Variants in HSF5 observed in about 807,000 individuals in gnomAD.
The protein encoded by HSF5 is heat shock factor protein 5.
A neutral mutation model predicts 50.8 loss-of-function variants in HSF5; 5 were observed. The observed-to-expected ratio is 0.10, with a 90% CI of 0.05 to 0.21. The LOEUF (loss-of-function observed/expected upper bound fraction) is 0.21. Ranked by LOEUF, HSF5 falls within the 10% of genes least tolerant of loss-of-function variation. The pLI is 1.00. For synonymous variants in HSF5, 307 were observed against 307.4 expected (o/e 1.00, Z 0.02); for missense variants, 564 against 762.6 (o/e 0.74, Z 3.07).
At chr17:58,425,574 T>C (rs1293428956) in intron 5 of HSF5, among the ~76,000 whole-genome samples, 1 of 22,546 alleles carries the variant, frequency 4.4e-5, no homozygotes. Flanking sequence ...GACCTCTATC[T>C]CAAAAAAAAA....
At chr17:58,478,381 G>A (rs1465231053) in intron 2 of HSF5, among the ~76,000 whole-genome samples, 1 of 148,874 alleles carries the variant, frequency 6.7e-6, no homozygotes, top group Non-Finnish European at 1.5e-5. Flanking sequence ...GGAGGCTGAG[G>A]CAGGAGAATC....
At chr17:58,452,783 A>G (rs912072815) in intron 5 of HSF5, among the ~76,000 whole-genome samples, 3 of 152,262 alleles carry the variant, frequency 2.0e-5, no homozygotes, top group Non-Finnish European at 2.9e-5. Context: ...GTGAAATGGC[A>G]GCCTTGTGTG....
At chr17:58,457,489 C>T (rs1974729279) in intron 5 of HSF5, among the ~76,000 whole-genome samples, 1 of 151,878 alleles carries the variant, frequency 6.6e-6, no homozygotes, top group Non-Finnish European at 1.5e-5. Context: ...GTCCCAGCTA[C>T]TCGGGAGGCT....
At chr17:58,450,022 C>CA (rs71143248) in intron 5 of HSF5, among the ~76,000 whole-genome samples, 11,549 of 76,014 alleles carry the variant, frequency 0.15, 1,121 homozygotes, top group Middle Eastern at 0.2. Flanking sequence ...GACTCCGTCT[C>CA]AAAAAAAAAA....
Position 58,422,400 on chromosome 17 carries a change from T to C in HSF5, c.1751A>G (p.Lys584Arg). ...DLHLLVDVAC[K>R]QERFPKEEEL... ...TTCCTCCTTTGGAAAGCGCTCCTGCTTGCAGGCCACGTCCACCAGCAGATG... is the reference window on the plus strand; with the variant it reads ...TTCCTCCTTTGGAAAGCGCTCCTGCCTGCAGGCCACGTCCACCAGCAGATG... The change falls in exon 6 of 6, where the codon AAG becomes AGG. Residue 584 changes from lysine (K) to arginine (R), a missense_variant. Physicochemically the swap from Lys to Arg is conservative, Grantham distance 26. Transcript: ENST00000323777. 6.2e-7 allele frequency: 1 copy of C among 1,614,070 alleles called. No individual in the cohort carries two copies. The highest frequency in any genetic ancestry group is 2.2e-5 in the East Asian group (1 of 44,884).
chr17:58,449,270 A>C (rs981012104), intron 5 of HSF5, among the ~76,000 whole-genome samples: 5 of 152,262 alleles, frequency 3.3e-5, no homozygotes, highest in African/African-American at 1.2e-4. Flanking sequence ...GGCAGTAATA[A>C]GTCTTACCTG....
chr17:58,449,244 G>A (rs1974601954), intron 5 of HSF5, among the ~76,000 whole-genome samples: 1 of 152,120 alleles, frequency 6.6e-6, no homozygotes, highest in Admixed American at 6.6e-5. Context: ...AAAACAACCA[G>A]AAGAACTAAC....
intron 5 of HSF5, among the ~76,000 whole-genome samples, chr17:58,444,356 C>T (rs1216840696): frequency 6.6e-6 from 1 of 152,144 alleles, no homozygotes; most frequent in African/African-American, 2.4e-5. Flanking sequence ...AAACAGTGTG[C>T]TACTGGCATA....
chr17:58,486,844 T>C (rs1236955021), intron 1 of HSF5, among the ~76,000 whole-genome samples: 2 of 151,808 alleles, frequency 1.3e-5, no homozygotes, highest in Non-Finnish European at 2.9e-5. Flanking sequence ...AAATTTCCAC[T>C]GCAGGCACCT....
chr17:58,425,630 T>C (rs1974287856), intron 5 of HSF5, among the ~76,000 whole-genome samples: 1 of 150,116 alleles, frequency 6.7e-6, no homozygotes, highest in African/African-American at 2.5e-5. Context: ...TTTTATGTTA[T>C]GCACATTTTA....
intron 5 of HSF5, among the ~76,000 whole-genome samples, chr17:58,435,785 G>A (rs1407379141): frequency 6.6e-6 from 1 of 151,094 alleles, no homozygotes; most frequent in Non-Finnish European, 1.5e-5. Flanking sequence ...TGTAGTCCCA[G>A]CTACTCGGGA....
At chr17:58,475,610 C>G (rs1224638378) in intron 2 of HSF5, among the ~76,000 whole-genome samples, 1 of 152,172 alleles carries the variant, frequency 6.6e-6, no homozygotes, top group African/African-American at 2.4e-5. Flanking sequence ...CTTAACCCCC[C>G]CAAACATCTC....
At chr17:58,431,733 C>G (rs1355127596) in intron 5 of HSF5, among the ~76,000 whole-genome samples, 2 of 152,154 alleles carry the variant, frequency 1.3e-5, no homozygotes, top group African/African-American at 4.8e-5. Context: ...ACTTGTGTAA[C>G]CCTATTGGAC....
intron 2 of HSF5, chr17:58,476,589 T>G: frequency 6.6e-7 from 1 of 1,521,188 alleles, no homozygotes; most frequent in East Asian, 2.3e-5. Flanking sequence ...TTCTGTAACC[T>G]GATTTAATAT....
At chr17:58,423,462 T>C (rs1421710266) in intron 5 of HSF5, among the ~76,000 whole-genome samples, 1 of 149,246 alleles carries the variant, frequency 6.7e-6, no homozygotes, top group African/African-American at 2.5e-5. Flanking sequence ...TTACAACTTC[T>C]AGAGCAACAT....
At chr17:58,463,579 T>C (rs1474604767) in intron 3 of HSF5, among the ~76,000 whole-genome samples, 1 of 152,214 alleles carries the variant, frequency 6.6e-6, no homozygotes, top group Admixed American at 6.5e-5. Flanking sequence ...TCAAAAGCTA[T>C]AGTACCCAAA....
At chr17:58,462,547 C>T (rs1269685280) in intron 4 of HSF5, among the ~76,000 whole-genome samples, 5 of 152,156 alleles carry the variant, frequency 3.3e-5, no homozygotes, top group African/African-American at 1.2e-4. Context: ...TAGACAACCT[C>T]TCTTTAGAGG....
chr17:58,433,686 C>T (rs552100324), intron 5 of HSF5, among the ~76,000 whole-genome samples: 1 of 152,250 alleles, frequency 6.6e-6, no homozygotes, highest in African/African-American at 2.4e-5. Context: ...TGTTCAAATG[C>T]TGCTGAGGTG....
At chr17:58,464,616 G>A (rs1028024086) in intron 3 of HSF5, among the ~76,000 whole-genome samples, 7 of 152,008 alleles carry the variant, frequency 4.6e-5, no homozygotes, top group Non-Finnish European at 8.8e-5. Context: ...TGATGAACAC[G>A]TATTGTCTTT....
Sources: gnomAD v4.1 joint callset for allele counts (sites outside exome capture counted in the v4.1 genomes callset) on GRCh38, gnomAD v4.1.1 for gene constraint, MANE v1.5 for transcripts, NCBI Gene and HGNC (gene_info 2026-07-23, HGNC 2026-07-21) for gene names.